The following RIT2 variants were observed in gnomAD, a reference collection of about 807,000 sequenced individuals.
RIT2 encodes the protein Ras like without CAAX 2, also known as GTP-binding protein Rit2.
A neutral mutation model predicts 23.7 loss-of-function variants in RIT2; 24 were observed. The ratio of observed to expected loss-of-function variants is 1.01; its 90% confidence interval spans 0.73 to 1.43. RIT2 has a LOEUF of 1.43. Ranked by LOEUF, RIT2 falls within the 40% of genes most tolerant of loss-of-function variation. The pLI is 0.00. For missense variants in RIT2, 236 were observed against 266.9 expected (o/e 0.88, Z 0.81); for synonymous variants, 107 against 91.1 (o/e 1.17, Z -0.99).
At chr18:42,865,960 G>A (rs1907458320) in intron 4 of RIT2, among the ~76,000 whole-genome samples, 1 of 152,124 alleles carries the variant, frequency 6.6e-6, no homozygotes, top group South Asian at 2.1e-4. Flanking sequence ...TTTCTCCTGG[G>A]ACTTCTTTTT....
intron 4 of RIT2, among the ~76,000 whole-genome samples, chr18:42,905,018 A>G (rs1414298061): frequency 6.6e-6 from 1 of 152,206 alleles, no homozygotes; most frequent in East Asian, 1.9e-4. Context: ...TTGTTTTGGA[A>G]TAAAATTTGT....
At chr18:42,862,709 A>G (rs1288336343) in intron 4 of RIT2, among the ~76,000 whole-genome samples, 1 of 152,214 alleles carries the variant, frequency 6.6e-6, no homozygotes, top group African/African-American at 2.4e-5. Context: ...TGTGCTACGC[A>G]TCATGCATTA....
intron 4 of RIT2, among the ~76,000 whole-genome samples, chr18:42,847,369 A>T (rs1345417961): frequency 1.3e-5 from 2 of 152,160 alleles, no homozygotes; most frequent in East Asian, 3.9e-4. Context: ...CCATGCCAGG[A>T]ACACTGCAGA....
chr18:43,089,470 A>G (rs1235268584), intron 1 of RIT2, among the ~76,000 whole-genome samples: 2 of 152,088 alleles, frequency 1.3e-5, no homozygotes, highest in African/African-American at 4.8e-5. Flanking sequence ...ATGGATAGAA[A>G]GAATCAATAT....
intron 2 of RIT2, among the ~76,000 whole-genome samples, chr18:42,978,326 A>G (rs1053854981): frequency 2.0e-5 from 3 of 151,796 alleles, no homozygotes; most frequent in African/African-American, 7.3e-5. Context: ...CTCTCTTTTA[A>G]AAAGTGTCTA....
chr18:42,773,951 C>A (rs633351), intron 4 of RIT2, among the ~76,000 whole-genome samples: 1 of 151,894 alleles, frequency 6.6e-6, no homozygotes, highest in Non-Finnish European at 1.5e-5. Flanking sequence ...ACTTGGTTTT[C>A]CTCTAAATTC....
intron 1 of RIT2, 152 bp downstream of exon 1, chr18:43,115,265 C>G: frequency 1.1e-6 from 1 of 913,412 alleles, no homozygotes; most frequent in Non-Finnish European, 1.6e-6. Flanking sequence ...TTTAACAGTC[C>G]TGACACTTTG....
intron 2 of RIT2, among the ~76,000 whole-genome samples, chr18:43,028,430 T>C (rs191758006): frequency 1.1e-4 from 17 of 152,086 alleles, no homozygotes; most frequent in African/African-American, 4.1e-4. Context: ...GGTTGGTGCA[T>C]AGCAAGCAAG....
chr18:42,749,067 C>T (rs1387123926), intron 4 of RIT2, among the ~76,000 whole-genome samples: 4 of 151,874 alleles, frequency 2.6e-5, no homozygotes, highest in Non-Finnish European at 5.9e-5. Context: ...TAACTTGGAA[C>T]ATTTATAAAA....
intron 2 of RIT2, among the ~76,000 whole-genome samples, chr18:42,988,712 T>G (rs905937670): frequency 7.9e-5 from 12 of 152,170 alleles, no homozygotes; most frequent in Non-Finnish European, 1.6e-4. Context: ...TGCACAAAAT[T>G]AGCTGTCACA....
At chr18:43,023,593 C>T (rs1006257359) in intron 2 of RIT2, among the ~76,000 whole-genome samples, 4 of 151,836 alleles carry the variant, frequency 2.6e-5, no homozygotes, top group Admixed American at 1.3e-4. Flanking sequence ...GAGGAAAGAC[C>T]AGCAACCTAT....
chr18:43,098,746 C>T (rs897742050), intron 1 of RIT2, among the ~76,000 whole-genome samples: 1 of 151,898 alleles, frequency 6.6e-6, no homozygotes, highest in African/African-American at 2.4e-5. Flanking sequence ...TACTATCAAC[C>T]CCATTTGACA....
At chr18:42,747,030 T>A (rs1300973107) in intron 4 of RIT2, among the ~76,000 whole-genome samples, 3 of 152,006 alleles carry the variant, frequency 2.0e-5, no homozygotes, top group African/African-American at 7.2e-5. Context: ...CTATTCAACA[T>A]AGTACTGGAA....
intron 2 of RIT2, among the ~76,000 whole-genome samples, chr18:43,009,090 T>A (rs918252472): frequency 1.7e-4 from 26 of 151,784 alleles, no homozygotes; most frequent in Non-Finnish European, 3.1e-4. Context: ...CCTTAAATAT[T>A]TGGTATTTAT....
Position 42,743,435 on chromosome 18 carries a change from T to C in RIT2, c.*58A>G. 2.5e-6 allele frequency: 3 copies of C among 1,199,144 alleles called. No homozygotes were observed. Among genetic ancestry groups the C allele is most frequent in the Non-Finnish European group, 3.7e-6 (3 of 810,080 alleles). The allele number at this position is 1,199,144 out of a possible 1,614,324, so 74.3% of individuals were successfully genotyped here. On this transcript the variant is annotated 3_prime_UTR_variant, in exon 5 of 5. Coordinates refer to ENST00000326695, the MANE Select transcript of RIT2 (RefSeq NM_002930.4). ...GATAATATTGAAGCAGAATGCTACA[T>C]ATGGAATTGTCCAACTAATAAAATT...
At chr18:42,761,049 C>A (rs550795404) in intron 4 of RIT2, among the ~76,000 whole-genome samples, 2 of 152,308 alleles carry the variant, frequency 1.3e-5, no homozygotes, top group South Asian at 4.1e-4. Context: ...TTTGCAAAAG[C>A]AATCACAGTT....
rs553068355 is a variant in RIT2 at position 42,766,221 on chromosome 18, A to C, written c.427-22501T>G. On this transcript the variant is annotated intron_variant, in intron 4 of 4. Transcript: ENST00000326695. ...TGAAGCGCTCAGAAAAAGACAGGAA[A>C]ATGTGGGAAAGTTTGGAACTCCCTA... Among the ~76,000 whole-genome samples, 97 of 152,294 alleles carry C rather than the reference A, an allele frequency of 6.4e-4. 2 individuals carry two copies. The Middle Eastern group carries it at 0.027, about 43-fold the overall frequency.
chr18:42,787,331 C>A (rs150988038), intron 4 of RIT2, among the ~76,000 whole-genome samples: 1 of 151,410 alleles, frequency 6.6e-6, no homozygotes, highest in Non-Finnish European at 1.5e-5. Context: ...ATGTAAATGG[C>A]GAGTTAATGG....
chr18:42,771,971 CT>C (rs1913562269), intron 4 of RIT2, among the ~76,000 whole-genome samples: 1 of 152,060 alleles, frequency 6.6e-6, no homozygotes, highest in African/African-American at 2.4e-5. Context: ...AAAAATCACT[CT>C]AATAGGGTCA....
Sources: gnomAD v4.1 joint callset for allele counts (sites outside exome capture counted in the v4.1 genomes callset) on GRCh38, gnomAD v4.1.1 for gene constraint, MANE v1.5 for transcripts, NCBI Gene and HGNC (gene_info 2026-07-23, HGNC 2026-07-21) for gene names.